Variants in TBC1D14 observed in about 807,000 individuals in gnomAD.
TBC1D14 encodes the protein TBC1 domain family, member 14.
TBC1D14 carries 26 observed loss-of-function variants against 79.0 expected under a neutral mutation model. The observed-to-expected ratio is 0.33, with a 90% confidence interval of 0.24 to 0.46. The LOEUF (loss-of-function observed/expected upper bound fraction) is 0.46, where lower values mean the gene tolerates loss of function less well. Ranked by LOEUF, TBC1D14 falls within the 20% of genes least tolerant of loss-of-function variation. The probability of loss-of-function intolerance (pLI) is 1.00; values close to 1 mark genes in which losing one functional copy is unlikely to be tolerated. For synonymous variants in TBC1D14, 394 were observed against 349.9 expected, an observed-to-expected ratio of 1.13 and a Z score of -1.40; for missense variants, 769 against 887.6, an observed-to-expected ratio of 0.87 and a Z score of 1.70.
At chr4:6,964,223 G>A (rs1715500506) in intron 2 of TBC1D14, among the ~76,000 whole-genome samples, 1 of 152,166 alleles carries the variant, frequency 6.6e-6, no homozygotes, top group African/African-American at 2.4e-5. Flanking sequence ...GCCCGTTTCA[G>A]TGAATAACAC....
At chr4:6,942,052 A>G (rs990222738) in intron 2 of TBC1D14, among the ~76,000 whole-genome samples, 1 of 152,184 alleles carries the variant, frequency 6.6e-6, no homozygotes, top group Non-Finnish European at 1.5e-5. Context: ...GCCACTTGCT[A>G]CTCATAAATT....
chr4:6,921,675 C>T (rs1330515686), intron 1 of TBC1D14, among the ~76,000 whole-genome samples: 3 of 145,242 alleles, frequency 2.1e-5, no homozygotes, highest in African/African-American at 7.8e-5. Context: ...TGTAGGCATG[C>T]ACCACCACAC....
intron 3 of TBC1D14, among the ~76,000 whole-genome samples, chr4:6,992,307 C>T (rs1465943012): frequency 1.4e-5 from 2 of 147,644 alleles, no homozygotes; most frequent in Non-Finnish European, 1.5e-5. Context: ...GCTTTCCCCT[C>T]TAAAACTGCA....
intron 3 of TBC1D14, among the ~76,000 whole-genome samples, chr4:6,968,082 G>A (rs1335705838): frequency 1.3e-5 from 2 of 152,160 alleles, no homozygotes; most frequent in Admixed American, 6.5e-5. Flanking sequence ...GGTCTCAGCC[G>A]GCTCGGCATC....
rs189404185 is a variant in TBC1D14, at chr4:6,916,780, C to T, written c.-17-6593C>T. On this transcript the variant is annotated intron_variant, in intron 1 of 13. Transcript: ENST00000409757. ...TCCGTACTTCACATCTTGTCTTTCT[C>T]TTGGCCGGAAGGTGATGACTCATCA... Among the ~76,000 whole-genome samples, 345 of 152,320 alleles carry T rather than the reference C, an allele frequency of 2.3e-3. 7 individuals carry two copies. In the Middle Eastern group the frequency reaches 0.031, roughly 14 times the overall value.
chr4:6,990,683 T>G (rs1257981359), intron 3 of TBC1D14, among the ~76,000 whole-genome samples: 1 of 152,186 alleles, frequency 6.6e-6, no homozygotes, highest in African/African-American at 2.4e-5. Context: ...CAGAAAGGGC[T>G]TGGCACTTGA....
At chr4:6,953,457 T>TAA (rs768801114) in intron 2 of TBC1D14, among the ~76,000 whole-genome samples, 79,514 of 113,620 alleles carry the variant, frequency 0.7, 28,008 homozygotes, top group Non-Finnish European at 0.75. Flanking sequence ...CCGTCTCTAC[T>TAA]AAAAAAAAAA....
chr4:6,954,822 C>T (rs1714476956), intron 2 of TBC1D14, among the ~76,000 whole-genome samples: 2 of 152,234 alleles, frequency 1.3e-5, no homozygotes, highest in African/African-American at 4.8e-5. Context: ...CCAGGTTGGT[C>T]TTGAAATCCT....
At chr4:7,001,709 T>G (rs1719695195) in intron 7 of TBC1D14, among the ~76,000 whole-genome samples, 1 of 152,138 alleles carries the variant, frequency 6.6e-6, no homozygotes, top group Non-Finnish European at 1.5e-5. Context: ...TCTGGGAGTT[T>G]GTCTGCTGGG....
At chr4:6,996,534 G>C in intron 5 of TBC1D14, 127 bp downstream of exon 5, 2 of 574,340 alleles carry the variant, frequency 3.5e-6, no homozygotes, top group Admixed American at 3.7e-5. Flanking sequence ...TAGTCTTCCA[G>C]TAAAAAAAAA....
chr4:6,969,059 TTAA>T (rs1715983418), intron 3 of TBC1D14, among the ~76,000 whole-genome samples: 1 of 152,160 alleles, frequency 6.6e-6, no homozygotes, highest in South Asian at 2.1e-4. Context: ...CGTCGGCAGG[TTAA>T]ATTTGGTTTG....
chr4:6,964,076 G>GT (rs1354403841), intron 2 of TBC1D14, among the ~76,000 whole-genome samples: 1 of 152,162 alleles, frequency 6.6e-6, no homozygotes, highest in African/African-American at 2.4e-5. Context: ...GATTACAGGT[G>GT]TGAGCCACCG....
chr4:6,938,881 C>G (rs977838173), intron 2 of TBC1D14, among the ~76,000 whole-genome samples: 6 of 152,202 alleles, frequency 3.9e-5, no homozygotes, highest in African/African-American at 1.4e-4. Context: ...TGGGTTCCTC[C>G]CCTGCAGCCG....
At chr4:6,918,858 C>G (rs1372128347) in intron 1 of TBC1D14, among the ~76,000 whole-genome samples, 1 of 152,138 alleles carries the variant, frequency 6.6e-6, no homozygotes, top group African/African-American at 2.4e-5. Context: ...GTATGTAGAA[C>G]TTCCAAATTT....
intron 2 of TBC1D14, among the ~76,000 whole-genome samples, chr4:6,939,663 C>T (rs1417439937): frequency 1.3e-5 from 2 of 150,986 alleles, no homozygotes; most frequent in Non-Finnish European, 2.9e-5. Context: ...AGATAGTCGA[C>T]TGAGACCACA....
intron 10 of TBC1D14, 48 bp from the exon 11 acceptor site, chr4:7,010,605 G>T: frequency 6.3e-7 from 1 of 1,594,832 alleles, no homozygotes; most frequent in South Asian, 1.1e-5. Flanking sequence ...ACACTACGGT[G>T]ACCCTGTGGC....
intron 3 of TBC1D14, among the ~76,000 whole-genome samples, chr4:6,981,747 A>G (rs1397843763): frequency 1.3e-5 from 2 of 152,246 alleles, no homozygotes; most frequent in Admixed American, 6.5e-5. Context: ...GTCAGCTACC[A>G]TACTACCAAT....
chr4:6,910,313 C>G (rs545776682), intron 1 of TBC1D14: 1 of 152,558 alleles, frequency 6.6e-6, no homozygotes, highest in South Asian at 2.1e-4. Flanking sequence ...GCGCCAGACC[C>G]CGACCCCGGA....
In TBC1D14 at chr4:6,977,187, A is replaced by G. The variant is rs1409276607; in HGVS notation, c.843+9763A>G. On this transcript the variant is annotated intron_variant, in intron 3 of 13. Transcript: ENST00000409757. ...TGATGCCGAGCCAAAGCTGGACTGT[A>G]CTGCTGCCATCTCGGCTCACTGCAA... is the stretch of plus-strand genomic sequence containing the variant. 1.8e-4 allele frequency among the ~76,000 whole-genome samples: 24 copies of G among 136,390 alleles called. 2 individuals are homozygous for G. Among genetic ancestry groups the G allele is most frequent in the Middle Eastern group, 3.7e-3 (1 of 272 alleles). The allele number at this position is 136,390 out of a possible 152,430, so 89.5% of individuals were successfully genotyped here.
Sources: gnomAD v4.1 joint callset for allele counts (sites outside exome capture counted in the v4.1 genomes callset) on GRCh38, gnomAD v4.1.1 for gene constraint, MANE v1.5 for transcripts, NCBI Gene and HGNC (gene_info 2026-07-23, HGNC 2026-07-21) for gene names.